Variants in AGMO observed in about 807,000 individuals in gnomAD.
AGMO encodes alkylglycerol monooxygenase.
Under a neutral mutation model 60.2 loss-of-function variants are expected in AGMO, and 75 were observed. The ratio of observed to expected loss-of-function variants is 1.25; its 90% CI spans 1.03 to 1.51. The LOEUF is 1.51. Ranked by LOEUF, AGMO falls within the 40% of genes most tolerant of loss-of-function variation. The probability of loss-of-function intolerance (pLI) is 0.00; values close to 1 mark genes in which losing one functional copy is unlikely to be tolerated. For missense variants in AGMO, 763 were observed against 525.5 expected, an observed-to-expected ratio of 1.45 and a Z score of -4.42; for synonymous variants, 261 against 177.1, an observed-to-expected ratio of 1.47 and a Z score of -3.76.
At chr7:15,243,560 T>G (rs770344336) in intron 12 of AGMO, among the ~76,000 whole-genome samples, 1 of 152,170 alleles carries the variant, frequency 6.6e-6, no homozygotes, top group Non-Finnish European at 1.5e-5. Context: ...GTTTGCATGA[T>G]CGTGGCTGGA....
chr7:15,395,208 C>T (rs1346570810), intron 5 of AGMO, among the ~76,000 whole-genome samples: 3 of 152,098 alleles, frequency 2.0e-5, no homozygotes, highest in Admixed American at 2.0e-4. Flanking sequence ...GGGTTAGCTT[C>T]CGTTTGGAGG....
intron 3 of AGMO, among the ~76,000 whole-genome samples, chr7:15,497,789 A>G (rs1276967701): frequency 1.3e-5 from 2 of 152,100 alleles, no homozygotes; most frequent in Non-Finnish European, 2.9e-5. Context: ...TCAACATAAA[A>G]AAGCATTTTT....
chr7:15,503,649 T>C (rs941369514), intron 3 of AGMO, among the ~76,000 whole-genome samples: 7 of 152,076 alleles, frequency 4.6e-5, no homozygotes, highest in Admixed American at 2.0e-4. Flanking sequence ...ATTCCATTCA[T>C]CTTTAAACCA....
chr7:15,406,304 TATAC>T (rs1379552809), intron 5 of AGMO, among the ~76,000 whole-genome samples: 25 of 143,848 alleles, frequency 1.7e-4, no homozygotes, highest in African/African-American at 6.5e-4. Context: ...ATATATGGAA[TATAC>T]ATATATATGT....
At chr7:15,350,767 C>T (rs1166490786) in intron 12 of AGMO, among the ~76,000 whole-genome samples, 1 of 152,100 alleles carries the variant, frequency 6.6e-6, no homozygotes, top group Non-Finnish European at 1.5e-5. Flanking sequence ...GAAGTAAATT[C>T]CAGAATATTG....
chr7:15,276,672 A>T (rs1164579460), intron 12 of AGMO, among the ~76,000 whole-genome samples: 1 of 152,096 alleles, frequency 6.6e-6, no homozygotes, highest in Non-Finnish European at 1.5e-5. Context: ...AGAAATGCTT[A>T]TAAGACATAG....
At chr7:15,514,720 C>G (rs1047079739) in intron 3 of AGMO, among the ~76,000 whole-genome samples, 1 of 152,152 alleles carries the variant, frequency 6.6e-6, no homozygotes, top group African/African-American at 2.4e-5. Context: ...GAAAAAAGTT[C>G]TAGTAGTATA....
chr7:15,184,145 C>T, the AGMO span, among the ~76,000 whole-genome samples: 13 of 151,906 alleles, frequency 8.6e-5, no homozygotes, highest in Non-Finnish European at 1.0e-4. Flanking sequence ...TCTCAAAAAC[C>T]GGAGTGCTCA....
intron 4 of AGMO, among the ~76,000 whole-genome samples, chr7:15,419,019 A>G (rs1475462588): frequency 6.6e-6 from 1 of 151,876 alleles, no homozygotes; most frequent in Admixed American, 6.6e-5. Flanking sequence ...ATGACTTTAT[A>G]CCTTTGACAG....
intron 10 of AGMO, among the ~76,000 whole-genome samples, chr7:15,378,695 G>C (rs529051381): frequency 6.6e-6 from 1 of 151,718 alleles, no homozygotes; most frequent in East Asian, 1.9e-4. Context: ...AAATGGACCT[G>C]ATAGATACAG....
chr7:15,438,027 G>C (rs1781448684), intron 3 of AGMO, among the ~76,000 whole-genome samples: 2 of 151,884 alleles, frequency 1.3e-5, no homozygotes, highest in African/African-American at 4.8e-5. Context: ...TTAAGTTCTA[G>C]TATGCAGAAT....
chr7:15,182,660 A>G, the AGMO span, among the ~76,000 whole-genome samples: 102 of 152,236 alleles, frequency 6.7e-4, 1 homozygote, highest in East Asian at 0.013. Flanking sequence ...CAAGTGACCC[A>G]CCTGTCTTTG....
At chr7:15,541,963 A>G (rs923004500) in intron 3 of AGMO, among the ~76,000 whole-genome samples, 1 of 152,152 alleles carries the variant, frequency 6.6e-6, no homozygotes, top group Admixed American at 6.6e-5. Flanking sequence ...TTTTCTTACT[A>G]TATTTTAAGA....
At chr7:15,372,136 TA>T (rs951807479) in intron 10 of AGMO, among the ~76,000 whole-genome samples, 13 of 140,820 alleles carry the variant, frequency 9.2e-5, no homozygotes, top group Non-Finnish European at 1.8e-4. Flanking sequence ...CTAAGGGAGA[TA>T]ATCAGTTGAA....
At chr7:15,286,564 C>G in intron 12 of AGMO, among the ~76,000 whole-genome samples, 1 of 151,786 alleles carries the variant, frequency 6.6e-6, no homozygotes, top group East Asian at 1.9e-4. Context: ...ATTATAAAGT[C>G]AAAAAAAGAA....
At chr7:15,213,619 T>A (rs1583296665) in intron 12 of AGMO, among the ~76,000 whole-genome samples, 1 of 151,892 alleles carries the variant, frequency 6.6e-6, no homozygotes, top group Admixed American at 6.6e-5. Context: ...GAAGTATGTA[T>A]AGAGGATGGC....
intron 3 of AGMO, among the ~76,000 whole-genome samples, chr7:15,446,003 A>G (rs1781688801): frequency 1.3e-5 from 2 of 152,256 alleles, no homozygotes; most frequent in Non-Finnish European, 2.9e-5. Flanking sequence ...ATCATTTTGA[A>G]AACAAGTTGT....
chr7:15,301,217 T>C (rs1019811164), intron 12 of AGMO, among the ~76,000 whole-genome samples: 1 of 152,106 alleles, frequency 6.6e-6, no homozygotes, highest in Admixed American at 6.6e-5. Flanking sequence ...GGCAGGTGGA[T>C]CACTTGAGGT....
Position 15,494,519 on chromosome 7 carries a change from G to T in AGMO, c.409+50253C>A, listed in dbSNP as rs562063137. ...ATGTGTCGGCTAAAATAGCTGGAGT[G>T]AACACTTTAATAAGCACCCAGTAAA... On this transcript the variant is annotated intron_variant, in intron 3 of 12. Coordinates refer to ENST00000342526, the MANE Select transcript of AGMO (RefSeq NM_001004320.2). Among the ~76,000 whole-genome samples the T allele has an allele frequency of 2.6e-3, 396 of 152,320 alleles. 2 individuals are homozygous for T. Among genetic ancestry groups the T allele is most frequent in the African/African-American group, 9.1e-3 (380 of 41,560 alleles).
Sources: allele counts gnomAD v4.1 joint callset (sites outside exome capture counted in the v4.1 genomes callset), GRCh38; gene constraint gnomAD v4.1.1; transcripts MANE v1.5; gene names NCBI Gene and HGNC (gene_info 2026-07-23, HGNC 2026-07-21).